Variants in SNX18 observed in about 807,000 individuals in gnomAD.
SNX18 encodes sorting nexin-18.
In SNX18, 35 loss-of-function variants were observed where a neutral mutation model predicts 48.7. The observed-to-expected ratio is 0.72, with a 90% confidence interval of 0.55 to 0.95. The LOEUF (loss-of-function observed/expected upper bound fraction) is 0.95. Ranked by LOEUF, SNX18 falls within the 40% of genes least tolerant of loss-of-function variation. The probability of loss-of-function intolerance (pLI) is 0.00; values close to 1 mark genes in which losing one functional copy is unlikely to be tolerated. For missense variants in SNX18, 824 were observed against 871.0 expected, an observed-to-expected ratio of 0.95 and a Z score of 0.68; for synonymous variants, 492 against 384.7, an observed-to-expected ratio of 1.28 and a Z score of -3.26.
the SNX18 span, among the ~76,000 whole-genome samples, chr5:54,562,678 T>A: frequency 1.2e-4 from 18 of 152,368 alleles, no homozygotes; most frequent in Admixed American, 2.6e-4. Flanking sequence ...ATCATCTTAA[T>A]AAATGACTAT....
intron 1 of SNX18, among the ~76,000 whole-genome samples, chr5:54,521,748 G>A (rs953625178): frequency 6.6e-6 from 1 of 152,236 alleles, no homozygotes; most frequent in African/African-American, 2.4e-5. Context: ...TATTTATTTT[G>A]TAGAGACAGG....
chr5:54,572,402 C>T, the SNX18 span, among the ~76,000 whole-genome samples: 5 of 151,966 alleles, frequency 3.3e-5, no homozygotes, highest in African/African-American at 1.2e-4. Flanking sequence ...ATGGGGCACC[C>T]GAATCAATGG....
the SNX18 span, among the ~76,000 whole-genome samples, chr5:54,574,764 C>A: frequency 6.6e-6 from 1 of 151,694 alleles, no homozygotes; most frequent in Non-Finnish European, 1.5e-5. Context: ...TGTGTAGGGG[C>A]GGGTAAGGGT....
chr5:54,560,642 A>C, the SNX18 span, among the ~76,000 whole-genome samples: 1 of 152,242 alleles, frequency 6.6e-6, no homozygotes, highest in Admixed American at 6.5e-5. Flanking sequence ...GCTAAATTAA[A>C]GATAAAAATA....
chr5:54,639,392 A>G, the SNX18 span, among the ~76,000 whole-genome samples: 1 of 152,232 alleles, frequency 6.6e-6, no homozygotes, highest in African/African-American at 2.4e-5. Flanking sequence ...AATAGCTGGC[A>G]TATCATAGGG....
At chr5:54,572,519 C>A in the SNX18 span, among the ~76,000 whole-genome samples, 1 of 151,762 alleles carries the variant, frequency 6.6e-6, no homozygotes, top group African/African-American at 2.4e-5. Flanking sequence ...AATTTTATAC[C>A]AAAGTATGCC....
the SNX18 span, among the ~76,000 whole-genome samples, chr5:54,572,146 A>G: frequency 3.3e-5 from 5 of 152,188 alleles, no homozygotes; most frequent in Non-Finnish European, 5.9e-5. Flanking sequence ...TGTTCTGGCC[A>G]TTGAGAACTA....
At chr5:54,615,774 G>T in the SNX18 span, among the ~76,000 whole-genome samples, 4 of 152,184 alleles carry the variant, frequency 2.6e-5, no homozygotes, top group Non-Finnish European at 4.4e-5. Flanking sequence ...CATGTTATTT[G>T]TATCTTCAAT....
the SNX18 span, among the ~76,000 whole-genome samples, chr5:54,630,093 C>A: frequency 1.3e-5 from 2 of 152,178 alleles, no homozygotes; most frequent in African/African-American, 2.4e-5. Context: ...ATTGTCTATA[C>A]AACACCTGCC....
the SNX18 span, among the ~76,000 whole-genome samples, chr5:54,600,921 C>G: frequency 6.6e-6 from 1 of 152,112 alleles, no homozygotes; most frequent in Non-Finnish European, 1.5e-5. Flanking sequence ...TGCAGTAAAC[C>G]ACTATGGCAC....
chr5:54,567,462 C>T, the SNX18 span, among the ~76,000 whole-genome samples: 2 of 152,152 alleles, frequency 1.3e-5, no homozygotes, highest in South Asian at 4.2e-4. Flanking sequence ...AAGAAGGAGA[C>T]CTGAAACAGG....
At chr5:54,644,293 A>T in the SNX18 span, 1 of 152,258 alleles carries the variant, frequency 6.6e-6, no homozygotes, top group Non-Finnish European at 1.5e-5. Context: ...TGATAGCTTT[A>T]GTCAGTAAGT....
At chr5:54,581,527 C>A in the SNX18 span, among the ~76,000 whole-genome samples, 1 of 152,110 alleles carries the variant, frequency 6.6e-6, no homozygotes, top group Non-Finnish European at 1.5e-5. Context: ...GGCGTTCCCA[C>A]CAGACTTCTC....
At chr5:54,574,485 T>C in the SNX18 span, among the ~76,000 whole-genome samples, 1 of 152,146 alleles carries the variant, frequency 6.6e-6, no homozygotes, top group East Asian at 1.9e-4. Flanking sequence ...ATCACTATTA[T>C]TGGCAAGGGA....
Position 54,519,362 on chromosome 5 carries a change from C to T in SNX18, c.1410C>T (p.Ser470=), listed in dbSNP as rs144827917. ...AGGAGTATCAGAAGGTGGGCCAGTC[C>T]TTCCGCGGCCTCAGCCAGGCCTTTG... ...FKKEYQKVGQ[S]FRGLSQAFEL... is the part of the protein sequence containing the mutation. Residue 470 remains serine (S), a synonymous_variant, in exon 1 of 2, where the codon TCC becomes TCT. Transcript: ENST00000381410. 9 of 1,613,122 alleles carry T rather than the reference C, an allele frequency of 5.6e-6. No homozygotes were observed. The highest frequency in any genetic ancestry group is 2.2e-5 in the East Asian group (1 of 44,842).
At chr5:54,625,878 T>C in the SNX18 span, among the ~76,000 whole-genome samples, 2 of 152,278 alleles carry the variant, frequency 1.3e-5, no homozygotes, top group South Asian at 4.1e-4. Context: ...TTGTATGATA[T>C]AAGCATGGAG....
intron 1 of SNX18, among the ~76,000 whole-genome samples, chr5:54,524,805 G>GT (rs1762098702): frequency 6.6e-6 from 1 of 152,196 alleles, no homozygotes; most frequent in African/African-American, 2.4e-5. Flanking sequence ...TCTGCAGGAG[G>GT]GCTGGGTAGG....
the SNX18 span, among the ~76,000 whole-genome samples, chr5:54,562,492 T>G: frequency 6.6e-6 from 1 of 152,154 alleles, no homozygotes; most frequent in South Asian, 2.1e-4. Context: ...TGTAGGTTGG[T>G]GGTCCATAAG....
At chr5:54,565,504 T>C in the SNX18 span, among the ~76,000 whole-genome samples, 528 of 152,178 alleles carry the variant, frequency 3.5e-3, 6 homozygotes, top group African/African-American at 0.012. Flanking sequence ...ACCCAGGTCA[T>C]TGAGGCTGCC....
Sources: allele counts gnomAD v4.1 joint callset (sites outside exome capture counted in the v4.1 genomes callset), GRCh38; gene constraint gnomAD v4.1.1; transcripts MANE v1.5; gene names NCBI Gene and HGNC (gene_info 2026-07-23, HGNC 2026-07-21).